The following LIMCH1 variants were observed in gnomAD, a reference collection of about 807,000 sequenced individuals.
LIMCH1 encodes the protein LIM and calponin homology domains-containing protein 1.
Under a neutral mutation model 176.5 loss-of-function variants are expected in LIMCH1, and 113 were observed. That is an observed-to-expected ratio of 0.64 (90% CI 0.55 to 0.75). The LOEUF (loss-of-function observed/expected upper bound fraction) is 0.75, where lower values mean the gene tolerates loss of function less well. Among genes scored for constraint, LIMCH1 ranks in the 30% least tolerant of loss-of-function variants. The pLI is 0.00. For synonymous variants in LIMCH1, 619 were observed against 645.9 expected, an observed-to-expected ratio of 0.96 and a Z score of 0.63; for missense variants, 1,674 against 1,814.9, an observed-to-expected ratio of 0.92 and a Z score of 1.41.
rs2153109056 is a variant in LIMCH1, at chr4:41,699,934, A to T, written c.*2749A>T. The T allele has an allele frequency of 6.6e-6, 1 of 152,340 alleles. No homozygotes were observed. Among genetic ancestry groups the T allele is most frequent in the African/African-American group, 2.4e-5 (1 of 41,586 alleles). 9.4% of individuals were successfully genotyped at this position (152,340 alleles called of 1,614,324 possible). A position where few individuals can be genotyped will look rare whatever the true frequency, so the allele number is the denominator to read the frequency against. The stretch of plus-strand genomic sequence containing the variant: ...GGTTATACTAACTTTCATTTAAAGT[A>T]TTTATTCTAAAATGCCTCTGAGAAA... On this transcript the variant is annotated 3_prime_UTR_variant, in exon 32 of 32. Transcript: ENST00000503057.
chr4:41,625,635 T>TA (rs1400732432), intron 7 of LIMCH1, among the ~76,000 whole-genome samples: 6 of 152,114 alleles, frequency 3.9e-5, no homozygotes, highest in Admixed American at 3.9e-4. Context: ...TTTTTATATA[T>TA]TTTTTTAAGT....
At chr4:41,437,205 C>G (rs1432443026) in intron 1 of LIMCH1, among the ~76,000 whole-genome samples, 1 of 152,194 alleles carries the variant, frequency 6.6e-6, no homozygotes, top group African/African-American at 2.4e-5. Context: ...GGAAGGGATA[C>G]AGAAAAACTA....
At chr4:41,366,609 A>G (rs2053026844) in intron 1 of LIMCH1, among the ~76,000 whole-genome samples, 2 of 152,222 alleles carry the variant, frequency 1.3e-5, no homozygotes, top group South Asian at 4.1e-4. Flanking sequence ...TAAGTGATTG[A>G]GAAATATAAA....
chr4:41,458,025 C>T (rs990982005), intron 1 of LIMCH1, among the ~76,000 whole-genome samples: 3 of 152,082 alleles, frequency 2.0e-5, no homozygotes, highest in Non-Finnish European at 4.4e-5. Flanking sequence ...ATGACTAAAA[C>T]AGTATAATTG....
chr4:41,583,544 T>A (rs73810276), intron 1 of LIMCH1, among the ~76,000 whole-genome samples: 113 of 152,344 alleles, frequency 7.4e-4, no homozygotes, highest in African/African-American at 2.3e-3. Flanking sequence ...AATTTATTAT[T>A]TTGAATATAC....
intron 1 of LIMCH1, among the ~76,000 whole-genome samples, chr4:41,463,126 C>T (rs1252395320): frequency 1.3e-5 from 2 of 151,628 alleles, no homozygotes; most frequent in Admixed American, 6.6e-5. Flanking sequence ...CTGGAAGGTC[C>T]CAGAGGGAGT....
intron 1 of LIMCH1, among the ~76,000 whole-genome samples, chr4:41,580,328 C>T (rs867140642): frequency 6.6e-6 from 1 of 152,156 alleles, no homozygotes; most frequent in Non-Finnish European, 1.5e-5. Flanking sequence ...GAACAGGTCA[C>T]ACTCTGTGAT....
chr4:41,443,123 C>A (rs1005771556), intron 1 of LIMCH1, among the ~76,000 whole-genome samples: 3 of 151,710 alleles, frequency 2.0e-5, no homozygotes, highest in Admixed American at 6.6e-5. Context: ...GAATGATTTC[C>A]CTCATAAAAG....
intron 1 of LIMCH1, among the ~76,000 whole-genome samples, chr4:41,569,432 A>G (rs938208080): frequency 1.3e-5 from 2 of 152,200 alleles, no homozygotes; most frequent in African/African-American, 4.8e-5. Context: ...AAACATGCTC[A>G]GTTCCTTCAT....
intron 2 of LIMCH1, among the ~76,000 whole-genome samples, chr4:41,510,681 C>T (rs1309168413): frequency 3.3e-5 from 5 of 152,082 alleles, no homozygotes; most frequent in African/African-American, 4.8e-5. Flanking sequence ...CTCTGCCTCC[C>T]GGGTTCAAGT....
intron 1 of LIMCH1, among the ~76,000 whole-genome samples, chr4:41,484,149 T>G (rs1422791906): frequency 6.6e-6 from 1 of 152,250 alleles, no homozygotes; most frequent in African/African-American, 2.4e-5. Context: ...ATTTCTTCAG[T>G]TATGCAATTT....
At chr4:41,461,398 G>A (rs2065351570) in intron 1 of LIMCH1, among the ~76,000 whole-genome samples, 1 of 152,090 alleles carries the variant, frequency 6.6e-6, no homozygotes, top group African/African-American at 2.4e-5. Flanking sequence ...CTCATTTGAT[G>A]GATGTTCTAT....
intron 31 of LIMCH1, among the ~76,000 whole-genome samples, chr4:41,694,109 A>T (rs1728555669): frequency 6.6e-6 from 1 of 152,176 alleles, no homozygotes; most frequent in African/African-American, 2.4e-5. Flanking sequence ...CAGCTGAAAA[A>T]TAAGAAAGTG....
chr4:41,690,177 T>C (rs1219948064), intron 30 of LIMCH1, among the ~76,000 whole-genome samples: 1 of 152,210 alleles, frequency 6.6e-6, no homozygotes, highest in Non-Finnish European at 1.5e-5. Context: ...TATAGGTCCT[T>C]ATAGAACCTT....
chr4:41,680,388 G>T (rs973697715), intron 24 of LIMCH1, among the ~76,000 whole-genome samples: 2 of 152,170 alleles, frequency 1.3e-5, no homozygotes, highest in African/African-American at 4.8e-5. Context: ...TTTTAGAGAG[G>T]TGACATGAAA....
chr4:41,470,770 C>T (rs935238836), intron 1 of LIMCH1, among the ~76,000 whole-genome samples: 1 of 151,898 alleles, frequency 6.6e-6, no homozygotes, highest in African/African-American at 2.4e-5. Context: ...GGATTCAGTC[C>T]TTGGACCTCT....
At chr4:41,592,981 C>T (rs1356554410) in intron 1 of LIMCH1, among the ~76,000 whole-genome samples, 1 of 152,184 alleles carries the variant, frequency 6.6e-6, no homozygotes, top group Admixed American at 6.5e-5. Flanking sequence ...GAGTACGTAG[C>T]ACATTGAATT....
At chr4:41,608,021 A>T (rs145768718) in intron 4 of LIMCH1, among the ~76,000 whole-genome samples, 37 of 152,338 alleles carry the variant, frequency 2.4e-4, no homozygotes, top group African/African-American at 8.4e-4. Flanking sequence ...TAACAGATAA[A>T]ATAAGACAAC....
intron 1 of LIMCH1, among the ~76,000 whole-genome samples, chr4:41,451,717 TC>T (rs1183349354): frequency 6.6e-6 from 1 of 152,262 alleles, no homozygotes; most frequent in African/African-American, 2.4e-5. Context: ...GATTTGCAGT[TC>T]CTGGTTTCAA....
Sources: gnomAD v4.1 joint callset for allele counts (sites outside exome capture counted in the v4.1 genomes callset) on GRCh38, gnomAD v4.1.1 for gene constraint, MANE v1.5 for transcripts, NCBI Gene and HGNC (gene_info 2026-07-23, HGNC 2026-07-21) for gene names.